SYN3: variants seen among roughly 807,000 people sequenced by gnomAD.
SYN3 encodes synapsin III.
In SYN3, 35 loss-of-function variants were observed where a neutral mutation model predicts 65.8. The observed-to-expected ratio is 0.53, with a 90% CI of 0.41 to 0.70. The LOEUF (loss-of-function observed/expected upper bound fraction) is 0.70, where lower values mean the gene tolerates loss of function less well. Among genes scored for constraint, SYN3 ranks in the 30% least tolerant of loss-of-function variants. The pLI is 0.00. For missense variants in SYN3, 680 were observed against 749.0 expected, an observed-to-expected ratio of 0.91 and a Z score of 1.08; for synonymous variants, 270 against 292.9, an observed-to-expected ratio of 0.92 and a Z score of 0.80.
intron 9 of SYN3, among the ~76,000 whole-genome samples, chr22:32,535,039 T>C (rs940413261): frequency 1.1e-4 from 16 of 152,226 alleles, no homozygotes; most frequent in Non-Finnish European, 2.2e-4. Flanking sequence ...GCCCGGGGGC[T>C]GACTCCTCAT....
intron 4 of SYN3, among the ~76,000 whole-genome samples, chr22:32,913,189 C>A (rs188417166): frequency 2.0e-5 from 3 of 149,272 alleles, no homozygotes; most frequent in African/African-American, 7.4e-5. Flanking sequence ...GAGATGGAGT[C>A]TCGCTCTGTC....
intron 6 of SYN3, among the ~76,000 whole-genome samples, chr22:32,740,382 G>A (rs2061389269): frequency 6.6e-6 from 1 of 152,178 alleles, no homozygotes; most frequent in South Asian, 2.1e-4. Flanking sequence ...GAGAAGCTTG[G>A]GGAATGGAAC....
In SYN3 at chr22:32,529,162, G is replaced by A. The variant is rs1350404304; in HGVS notation, c.1096-154C>T. ...AAATCACCTCCAGCTGGGACTGGCC[G>A]GCAGCGACATCAGTTCCCTTCGGTT... On this transcript the variant is annotated intron_variant, in intron 10 of 13. Transcript: ENST00000358763. The A allele has an allele frequency of 2.2e-5, 19 of 879,214 alleles. No individual in the cohort carries two copies. The Admixed American group carries it at 2.5e-4, about 12-fold the overall frequency. The allele number at this position is 879,214 out of a possible 1,614,324, so 54.5% of individuals were successfully genotyped here.
At chr22:32,630,467 T>C (rs2059732385) in intron 6 of SYN3, among the ~76,000 whole-genome samples, 1 of 152,222 alleles carries the variant, frequency 6.6e-6, no homozygotes, top group South Asian at 2.1e-4. Flanking sequence ...AAAATACTAA[T>C]ATTTTAATGA....
intron 6 of SYN3, among the ~76,000 whole-genome samples, chr22:32,740,691 C>A (rs1459630887): frequency 6.6e-6 from 1 of 152,174 alleles, no homozygotes; most frequent in East Asian, 1.9e-4. Flanking sequence ...GGGAAATGAT[C>A]TGATTGGGAT....
chr22:32,908,047 A>G (rs2049949107), intron 4 of SYN3, among the ~76,000 whole-genome samples: 1 of 151,990 alleles, frequency 6.6e-6, no homozygotes, highest in Non-Finnish European at 1.5e-5. Context: ...TGGAGCTGGG[A>G]TTTTAACCCA....
chr22:32,928,411 T>C (rs534506179), intron 4 of SYN3, among the ~76,000 whole-genome samples: 1 of 152,346 alleles, frequency 6.6e-6, no homozygotes, highest in South Asian at 2.1e-4. Flanking sequence ...ACCTTAGACA[T>C]TATCAGAGCA....
chr22:32,786,683 C>A (rs921688316), intron 6 of SYN3, among the ~76,000 whole-genome samples: 1 of 152,138 alleles, frequency 6.6e-6, no homozygotes, highest in East Asian at 1.9e-4. Context: ...TCTTAAACAA[C>A]CTAAAGGAGG....
intron 6 of SYN3, among the ~76,000 whole-genome samples, chr22:32,597,840 C>A (rs1569076671): frequency 6.6e-6 from 1 of 152,156 alleles, no homozygotes; most frequent in Non-Finnish European, 1.5e-5. Flanking sequence ...AGGAGGCATG[C>A]ATGCTTCTCC....
In SYN3 at chr22:32,819,375, C is replaced by T. The variant is rs190476976; in HGVS notation, c.711+45540G>A. 1.4e-3 allele frequency among the ~76,000 whole-genome samples: 216 copies of T among 152,322 alleles called. 2 individuals carry two copies. Among genetic ancestry groups the T allele is most frequent in the Middle Eastern group, 6.8e-3 (2 of 294 alleles). On this transcript the variant is annotated intron_variant, in intron 6 of 13. Coordinates refer to ENST00000358763, the MANE Select transcript of SYN3 (RefSeq NM_003490.4). ...GCGGTCTCCTTCTCGAGGCCCAGCC[C>T]GGCCCCATATTGGAGGCCAAACATG...
intron 6 of SYN3, among the ~76,000 whole-genome samples, chr22:32,747,188 T>C (rs1002073942): frequency 2.0e-5 from 3 of 152,150 alleles, no homozygotes; most frequent in Non-Finnish European, 4.4e-5. Flanking sequence ...GATTTTTCTT[T>C]TTCAGACAAG....
chr22:32,880,590 A>G (rs559299330), intron 4 of SYN3, among the ~76,000 whole-genome samples: 7 of 152,206 alleles, frequency 4.6e-5, no homozygotes, highest in African/African-American at 1.7e-4. Context: ...AGTTACCATC[A>G]GCCCAAGAAA....
intron 6 of SYN3, among the ~76,000 whole-genome samples, chr22:32,773,381 T>C (rs575604136): frequency 4.4e-4 from 57 of 129,838 alleles, no homozygotes; most frequent in Admixed American, 1.8e-3. Context: ...CACTCCAGTC[T>C]GGGCAACGGA....
At chr22:32,804,773 C>G (rs998946862) in intron 6 of SYN3, among the ~76,000 whole-genome samples, 3 of 152,198 alleles carry the variant, frequency 2.0e-5, no homozygotes, top group African/African-American at 7.2e-5. Flanking sequence ...GAAGAATAAA[C>G]TACATGCCGG....
rs60525962 is a variant in SYN3 at position 32,569,400 on chromosome 22, A to AATCTATCTATCT, written c.774+27262_774+27273dup. Among the ~76,000 whole-genome samples, 1,076 of 144,042 alleles carry AATCTATCTATCT rather than the reference A, an allele frequency of 7.5e-3. 10 individuals are homozygous for AATCTATCTATCT. Among genetic ancestry groups the AATCTATCTATCT allele is most frequent in the East Asian group, 0.014 (68 of 4,884 alleles). The allele number at this position is 144,042 out of a possible 152,430, so 94.5% of individuals were successfully genotyped here. A position where few individuals can be genotyped will look rare whatever the true frequency, so the allele number is the denominator to read the frequency against. On this transcript the variant is annotated intron_variant, in intron 7 of 13. Coordinates refer to ENST00000358763, the MANE Select transcript of SYN3 (RefSeq NM_003490.4). The stretch of plus-strand genomic sequence containing the variant: ...CTAAAATCTATCTATCTCCATCCAA[A>AATCTATCTATCT]ATCTATCTATCTATCTATCTATCTA...
intron 4 of SYN3, among the ~76,000 whole-genome samples, chr22:32,888,086 T>C (rs923746491): frequency 6.6e-6 from 1 of 152,208 alleles, no homozygotes; most frequent in Non-Finnish European, 1.5e-5. Context: ...TGATGTTTAA[T>C]ATCATTTCAC....
At chr22:33,035,330 A>AGCC (rs2053833926) in intron 1 of SYN3, among the ~76,000 whole-genome samples, 3 of 31,454 alleles carry the variant, frequency 9.5e-5, no homozygotes, top group Non-Finnish European at 1.4e-4. Flanking sequence ...AAATCTCGGG[A>AGCC]CCCCCCCCCC....
chr22:33,013,909 T>G (rs559526108), intron 1 of SYN3, among the ~76,000 whole-genome samples: 1 of 150,616 alleles, frequency 6.6e-6, no homozygotes, highest in African/African-American at 2.4e-5. Flanking sequence ...TTTCCCCTCC[T>G]TTTTTTTTGG....
chr22:32,807,072 C>T (rs1029002374), intron 6 of SYN3, among the ~76,000 whole-genome samples: 3 of 151,110 alleles, frequency 2.0e-5, no homozygotes, highest in African/African-American at 7.3e-5. Flanking sequence ...GTCAGAGGAG[C>T]ACCTTCTCCA....
Sources: allele counts gnomAD v4.1 joint callset (sites outside exome capture counted in the v4.1 genomes callset), GRCh38; gene constraint gnomAD v4.1.1; transcripts MANE v1.5; gene names NCBI Gene and HGNC (gene_info 2026-07-23, HGNC 2026-07-21).